THADA: variants seen among roughly 807,000 people sequenced by gnomAD.
The protein encoded by THADA is tRNA (32-2'-O)-methyltransferase regulator THADA.
In THADA, 213 loss-of-function variants were observed where a neutral mutation model predicts 219.8. The observed-to-expected ratio is 0.97, with a 90% confidence interval of 0.87 to 1.09. The LOEUF (loss-of-function observed/expected upper bound fraction) is 1.09. Among genes scored for constraint, THADA ranks in the 50% least tolerant of loss-of-function variants. THADA has a pLI of 0.00. For synonymous variants in THADA, 1,018 were observed against 828.9 expected, an observed-to-expected ratio of 1.23 and a Z score of -3.92; for missense variants, 2,956 against 2,311.3, an observed-to-expected ratio of 1.28 and a Z score of -5.72.
At chr2:43,448,802 T>TA (rs747548650) in intron 26 of THADA, among the ~76,000 whole-genome samples, 1 of 151,798 alleles carries the variant, frequency 6.6e-6, no homozygotes, top group Non-Finnish European at 1.5e-5. Context: ...ACAACAAAAG[T>TA]AAAATCAGAA....
At chr2:43,444,600 C>G (rs1052438756) in intron 26 of THADA, among the ~76,000 whole-genome samples, 2 of 152,164 alleles carry the variant, frequency 1.3e-5, no homozygotes, top group Non-Finnish European at 2.9e-5. Context: ...CATAGAAACC[C>G]TGTCTTCAAG....
intron 24 of THADA, among the ~76,000 whole-genome samples, chr2:43,502,905 T>C (rs991989896): frequency 1.3e-5 from 2 of 152,024 alleles, no homozygotes; most frequent in African/African-American, 2.4e-5. Context: ...ATAACCAATA[T>C]TAAAGTAAGC....
intron 29 of THADA, among the ~76,000 whole-genome samples, chr2:43,379,390 A>C (rs1671743489): frequency 2.6e-5 from 4 of 152,216 alleles, no homozygotes; most frequent in Non-Finnish European, 5.9e-5. Context: ...GAAAATGTGA[A>C]ATAATAGAAC....
chr2:43,559,045 T>G (rs1697738968), intron 16 of THADA, among the ~76,000 whole-genome samples: 1 of 152,174 alleles, frequency 6.6e-6, no homozygotes, highest in South Asian at 2.1e-4. Context: ...ATATGCCTTC[T>G]CCATCCAGGT....
intron 31 of THADA, among the ~76,000 whole-genome samples, chr2:43,305,576 C>A (rs1215824022): frequency 6.6e-6 from 1 of 152,150 alleles, no homozygotes; most frequent in Non-Finnish European, 1.5e-5. Flanking sequence ...GATTCCCGAT[C>A]GGCTGCTGAG....
At chr2:43,455,307 G>C (rs1161743562) in intron 26 of THADA, among the ~76,000 whole-genome samples, 2 of 152,096 alleles carry the variant, frequency 1.3e-5, no homozygotes, top group Non-Finnish European at 2.9e-5. Flanking sequence ...CTCCCTGAGA[G>C]TGTAACTTAC....
At chr2:43,421,318 T>C (rs1273036519) in intron 28 of THADA, among the ~76,000 whole-genome samples, 3 of 152,174 alleles carry the variant, frequency 2.0e-5, no homozygotes, top group Non-Finnish European at 2.9e-5. Context: ...CAGATTAGGA[T>C]GGCTGGGCAG....
intron 31 of THADA, among the ~76,000 whole-genome samples, chr2:43,308,075 G>C (rs1231033346): frequency 6.6e-6 from 1 of 152,158 alleles, no homozygotes; most frequent in Admixed American, 6.5e-5. Context: ...AATAGCAGAG[G>C]CTGGGCATAG....
intron 25 of THADA, among the ~76,000 whole-genome samples, chr2:43,498,261 C>A (rs1688514933): frequency 6.6e-6 from 1 of 151,910 alleles, no homozygotes; most frequent in Non-Finnish European, 1.5e-5. Context: ...TTAATGAGTA[C>A]AGAGCTTCTG....
At chr2:43,549,704 T>G (rs1173032265) in intron 19 of THADA, among the ~76,000 whole-genome samples, 1 of 152,062 alleles carries the variant, frequency 6.6e-6, no homozygotes, top group Non-Finnish European at 1.5e-5. Context: ...AGAAGTGCAA[T>G]AAACTTCAAT....
chr2:43,410,926 T>C (rs766281376), intron 28 of THADA, among the ~76,000 whole-genome samples: 2 of 152,240 alleles, frequency 1.3e-5, no homozygotes, highest in Non-Finnish European at 2.9e-5. Context: ...AAAGTTGTTA[T>C]ACATTCTGTC....
chr2:43,274,021 C>G (rs1018925846), intron 36 of THADA, among the ~76,000 whole-genome samples: 2 of 152,128 alleles, frequency 1.3e-5, no homozygotes, highest in Non-Finnish European at 2.9e-5. Flanking sequence ...TCTCATTTTT[C>G]TACATCTCGC....
At chr2:43,580,266 C>A (rs1263937806) in intron 8 of THADA, among the ~76,000 whole-genome samples, 2 of 151,886 alleles carry the variant, frequency 1.3e-5, no homozygotes, top group Non-Finnish European at 2.9e-5. Flanking sequence ...GTCTCAATCT[C>A]CTGACCTCGT....
chr2:43,509,951 C>T (rs1690187146), intron 22 of THADA, among the ~76,000 whole-genome samples: 1 of 152,100 alleles, frequency 6.6e-6, no homozygotes, highest in South Asian at 2.1e-4. Flanking sequence ...GCCACCAAAA[C>T]CAGCTATCAA....
intron 22 of THADA, among the ~76,000 whole-genome samples, chr2:43,512,471 A>G (rs1690611988): frequency 6.6e-6 from 1 of 152,306 alleles, no homozygotes; most frequent in East Asian, 1.9e-4. Context: ...TTTAAACAAA[A>G]TCTACTTACA....
chr2:43,551,950 T>C, intron 18 of THADA, 25 bp from the exon 19 acceptor site: 1 of 1,586,252 alleles, frequency 6.3e-7, no homozygotes, highest in Non-Finnish European at 8.5e-7. Context: ...TTAGGGAAAT[T>C]TATACTAAAA....
chr2:43,239,843 A>G (rs1033873090), intron 36 of THADA, among the ~76,000 whole-genome samples: 1 of 151,974 alleles, frequency 6.6e-6, no homozygotes, highest in African/African-American at 2.4e-5. Context: ...CATCCAACCA[A>G]CTCACCACCC....
At chr2:43,346,545 C>T (rs2104545011) in intron 29 of THADA, among the ~76,000 whole-genome samples, 1 of 152,270 alleles carries the variant, frequency 6.6e-6, no homozygotes, top group Non-Finnish European at 1.5e-5. Flanking sequence ...CAGACCCAGG[C>T]CTGTACTGAA....
chr2:43,467,161 G>A (rs997652898), intron 26 of THADA, among the ~76,000 whole-genome samples: 2 of 106,798 alleles, frequency 1.9e-5, no homozygotes, highest in South Asian at 3.5e-4. Context: ...CAGCCTGGGC[G>A]ACAGAGCGAG....
Sources: gnomAD v4.1 joint callset for allele counts (sites outside exome capture counted in the v4.1 genomes callset) on GRCh38, gnomAD v4.1.1 for gene constraint, MANE v1.5 for transcripts, NCBI Gene and HGNC (gene_info 2026-07-23, HGNC 2026-07-21) for gene names.